Variants in NCS1 observed in about 807,000 individuals in gnomAD.
The protein encoded by NCS1 is frequenin homolog.
NCS1 carries 6 observed loss-of-function variants against 28.4 expected under a neutral mutation model. That is an observed-to-expected ratio of 0.21 (90% CI 0.12 to 0.42). The LOEUF is 0.42. Ranked by LOEUF, NCS1 falls within the 10% of genes least tolerant of loss-of-function variation. The probability of loss-of-function intolerance (pLI) is 1.00; values close to 1 mark genes in which losing one functional copy is unlikely to be tolerated. For missense variants in NCS1, 131 were observed against 241.4 expected, an observed-to-expected ratio of 0.54 and a Z score of 3.03; for synonymous variants, 86 against 99.3, an observed-to-expected ratio of 0.87 and a Z score of 0.79.
chr9:130,172,574 G>A lies in NCS1; in HGVS notation c.-90G>A, dbSNP rs1393784256. 47 of 607,434 alleles carry A rather than the reference G, an allele frequency of 7.7e-5. No homozygotes were observed. The highest frequency in any genetic ancestry group is 8.5e-5 in the Non-Finnish European group (40 of 470,450). 37.6% of individuals were successfully genotyped at this position (607,434 alleles called of 1,614,324 possible). A position where few individuals can be genotyped will look rare whatever the true frequency, so the allele number is the denominator to read the frequency against. ...GCGCGGGCGCCGCAGACAAAGGCGC[G>A]GCCCCGGCCCGGCCCGCCCGGCCCA... is the stretch of plus-strand genomic sequence containing the variant. On this transcript the variant is annotated 5_prime_UTR_variant, in exon 1 of 8. Transcript: ENST00000372398.
At chr9:130,176,173 TCTTTCTTTCTTTCTTTC>T (rs1564700747) in intron 1 of NCS1, among the ~76,000 whole-genome samples, 1,465 of 105,718 alleles carry the variant, frequency 0.014, 71 homozygotes, top group East Asian at 0.027. Flanking sequence ...TTTCTTTCTT[TCTTTCTTTCTTTCTTTC>T]TTTCTTTTTT....
chr9:130,211,848 T>C (rs1473429896), intron 2 of NCS1, among the ~76,000 whole-genome samples: 1 of 152,106 alleles, frequency 6.6e-6, no homozygotes, highest in South Asian at 2.1e-4. Flanking sequence ...ACTCAAATCA[T>C]TCCCAAGGCA....
chr9:130,206,770 C>T (rs1554908146), intron 2 of NCS1, among the ~76,000 whole-genome samples: 1 of 152,022 alleles, frequency 6.6e-6, no homozygotes, highest in East Asian at 1.9e-4. Context: ...CCCGTGCCTG[C>T]CTCTCTCTTG....
At chr9:130,227,456 T>A (rs1465275960) in intron 7 of NCS1, among the ~76,000 whole-genome samples, 2 of 152,222 alleles carry the variant, frequency 1.3e-5, no homozygotes, top group Non-Finnish European at 2.9e-5. Flanking sequence ...GTGTAATATT[T>A]AGCTTTGGTA....
At chr9:130,195,301 C>T (rs1169746265) in intron 1 of NCS1, among the ~76,000 whole-genome samples, 5 of 152,220 alleles carry the variant, frequency 3.3e-5, no homozygotes, top group South Asian at 4.1e-4. Flanking sequence ...AGCCTGTGCC[C>T]CCTTGGTCAG....
intron 4 of NCS1, among the ~76,000 whole-genome samples, chr9:130,220,216 C>T (rs987084192): frequency 2.0e-4 from 30 of 152,174 alleles, no homozygotes; most frequent in Non-Finnish European, 2.9e-5. Flanking sequence ...AGTGCCGGAC[C>T]CACCTCTTTC....
chr9:130,194,667 A>G (rs1421091290), intron 1 of NCS1, among the ~76,000 whole-genome samples: 1 of 152,076 alleles, frequency 6.6e-6, no homozygotes, highest in East Asian at 1.9e-4. Context: ...GTTTGGAATC[A>G]CCCAGGCTTC....
intron 4 of NCS1, among the ~76,000 whole-genome samples, chr9:130,221,532 T>C (rs1406716380): frequency 2.1e-5 from 3 of 143,352 alleles, no homozygotes; most frequent in Non-Finnish European, 3.0e-5. Context: ...CCTCCTGGGC[T>C]CAAGCCATCC....
intron 2 of NCS1, among the ~76,000 whole-genome samples, chr9:130,203,279 T>G (rs1832982688): frequency 6.6e-6 from 1 of 151,796 alleles, no homozygotes; most frequent in Non-Finnish European, 1.5e-5. Context: ...ACCTGATGCC[T>G]GGCTAATTTT....
intron 2 of NCS1, among the ~76,000 whole-genome samples, chr9:130,203,877 G>A (rs1389509956): frequency 6.6e-5 from 10 of 152,280 alleles, no homozygotes; most frequent in Middle Eastern, 3.4e-3. Flanking sequence ...TCCCCCCGGC[G>A]TCCTCCCCTT....
At position 130,222,052 on chromosome 9, in the gene NCS1, T is replaced by G. The variant is rs1199044761; in HGVS notation, c.308-598T>G. Among the ~76,000 whole-genome samples the G allele has an allele frequency of 3.7e-5, 5 of 134,970 alleles. 1 individual carries two copies. Among genetic ancestry groups the G allele is most frequent in the Non-Finnish European group, 7.7e-5 (5 of 65,270 alleles). The allele number at this position is 134,970 out of a possible 152,430, so 88.5% of individuals were successfully genotyped here. On this transcript the variant is annotated intron_variant, in intron 4 of 7. Coordinates refer to ENST00000372398, the MANE Select transcript of NCS1 (RefSeq NM_014286.4). ...TATAAATTATGTATCTATAAATATA[T>G]ATACATAAATATAAATTATGTATCT...
intron 4 of NCS1, among the ~76,000 whole-genome samples, chr9:130,220,211 C>T (rs529918992): frequency 1.3e-5 from 2 of 152,290 alleles, no homozygotes; most frequent in African/African-American, 4.8e-5. Flanking sequence ...GGTTCAGTGC[C>T]GGACCCACCT....
At chr9:130,187,939 C>T (rs1832761925) in intron 1 of NCS1, among the ~76,000 whole-genome samples, 1 of 152,108 alleles carries the variant, frequency 6.6e-6, no homozygotes, top group Admixed American at 6.5e-5. Context: ...GTGGGGGTCC[C>T]TGGAGGGCTA....
chr9:130,228,112 A>G (rs896422526), intron 7 of NCS1, among the ~76,000 whole-genome samples: 7 of 152,166 alleles, frequency 4.6e-5, no homozygotes, highest in Non-Finnish European at 1.0e-4. Context: ...GAAGGAGAGA[A>G]AGAGAGCCAG....
chr9:130,207,124 C>T (rs557178894), intron 2 of NCS1, among the ~76,000 whole-genome samples: 1 of 152,228 alleles, frequency 6.6e-6, no homozygotes, highest in Non-Finnish European at 1.5e-5. Flanking sequence ...CAGCCCCTGG[C>T]CACACGGGTC....
At position 130,227,575 on chromosome 9, in the gene NCS1, C is replaced by T. The variant is rs79601419; in HGVS notation, c.*17+1071C>T. On this transcript the variant is annotated intron_variant, in intron 7 of 7. Transcript: ENST00000372398. ...CTTGCCAACACTGGGTATTTTCTGT[C>T]TTTTCAAATTTTAGCCATTTTTGTG... 5.0e-3 allele frequency among the ~76,000 whole-genome samples: 763 copies of T among 152,306 alleles called. 9 individuals carry two copies. The highest frequency in any genetic ancestry group is 0.038 in the East Asian group (195 of 5,190).
rs182955647 is a variant in NCS1, at chr9:130,218,131, C to T, written c.228+161C>T. ...ACAGATACATAGTCGCACATAAATG[C>T]ATGCACATGTACACATGCAGACACA... On this transcript the variant is annotated intron_variant, in intron 3 of 7. Transcript: ENST00000372398. 1.1e-3 allele frequency among the ~76,000 whole-genome samples: 160 copies of T among 152,342 alleles called. No homozygotes were observed. The highest frequency in any genetic ancestry group is 3.4e-3 in the Middle Eastern group (1 of 294).
In NCS1 at chr9:130,223,121, G is replaced by C. The variant is rs1833357710; in HGVS notation, c.436G>C (p.Glu146Gln). ...GCTCCCAGAGGAGGAGAACACTCCT[G>C]AGAAGAGGGTGGACCGGATCTTTGC... Reference protein sequence around the residue: ...VELPEEENTPEKRVDRIFAMM... With the variant: ...VELPEEENTPQKRVDRIFAMM... The change falls in exon 6 of 8, where the codon GAG becomes CAG. Residue 146 changes from glutamate (E) to glutamine (Q), a missense_variant. Glu to Gln is a conservative substitution (Grantham distance 29). Coordinates refer to ENST00000372398, the MANE Select transcript of NCS1 (RefSeq NM_014286.4). 1 of 1,611,652 alleles carries C rather than the reference G, an allele frequency of 6.2e-7. No homozygotes were observed. The highest frequency in any genetic ancestry group is 1.3e-5 in the African/African-American group (1 of 74,824).
rs1202211357 is a variant in NCS1, at chr9:130,235,555, C to T, written c.*2583C>T. 1 of 152,374 alleles carries T rather than the reference C, an allele frequency of 6.6e-6. No homozygotes were observed. The highest frequency in any genetic ancestry group is 1.5e-5 in the Non-Finnish European group (1 of 68,158). 9.4% of individuals were successfully genotyped at this position (152,374 alleles called of 1,614,324 possible). A position where few individuals can be genotyped will look rare whatever the true frequency, so the allele number is the denominator to read the frequency against. On this transcript the variant is annotated 3_prime_UTR_variant, in exon 8 of 8. Transcript: ENST00000372398. ...TGGTTTGAAGCCACAGGTGTGGCTT[C>T]TGGCCTTAGCAGATGGTATGCTTGC...
Sources: gnomAD v4.1 joint callset for allele counts (sites outside exome capture counted in the v4.1 genomes callset) on GRCh38, gnomAD v4.1.1 for gene constraint, MANE v1.5 for transcripts, NCBI Gene and HGNC (gene_info 2026-07-23, HGNC 2026-07-21) for gene names.